The following KCNIP4 variants were observed in gnomAD, a reference collection of about 807,000 sequenced individuals.
KCNIP4 encodes the protein Kv channel-interacting protein 4.
A neutral mutation model predicts 34.0 loss-of-function variants in KCNIP4; 12 were observed. The ratio of observed to expected loss-of-function variants is 0.35; its 90% CI spans 0.23 to 0.57. KCNIP4 has a LOEUF of 0.57. Ranked by LOEUF, KCNIP4 falls within the 20% of genes least tolerant of loss-of-function variation. The pLI, the probability that KCNIP4 is intolerant of heterozygous loss-of-function variation, is 0.83. For synonymous variants in KCNIP4, 124 were observed against 102.2 expected (o/e 1.21, Z -1.29); for missense variants, 238 against 311.7 (o/e 0.76, Z 1.78).
chr4:21,500,763 C>T (rs1188698201), intron 1 of KCNIP4, among the ~76,000 whole-genome samples: 1 of 152,064 alleles, frequency 6.6e-6, no homozygotes, highest in Non-Finnish European at 1.5e-5. Context: ...CTTAAAATAT[C>T]ACTTGGGAGC....
intron 1 of KCNIP4, among the ~76,000 whole-genome samples, chr4:20,893,327 G>A (rs1726143616): frequency 1.3e-5 from 2 of 152,152 alleles, no homozygotes; most frequent in African/African-American, 4.8e-5. Flanking sequence ...GGAAAGATTT[G>A]GAACTTTAGG....
At chr4:21,189,183 A>G (rs1445390520) in intron 1 of KCNIP4, among the ~76,000 whole-genome samples, 1 of 152,230 alleles carries the variant, frequency 6.6e-6, no homozygotes, top group Non-Finnish European at 1.5e-5. Context: ...TATTATAATT[A>G]TCATGATTAC....
chr4:21,693,677 G>C (rs1299663083), intron 1 of KCNIP4, among the ~76,000 whole-genome samples: 1 of 152,174 alleles, frequency 6.6e-6, no homozygotes, highest in Non-Finnish European at 1.5e-5. Context: ...GAAAACTTGT[G>C]AAACAAATGG....
chr4:21,444,206 A>G (rs34236679), intron 1 of KCNIP4, among the ~76,000 whole-genome samples: 21,875 of 152,194 alleles, frequency 0.14, 1,906 homozygotes, highest in East Asian at 0.34. Context: ...ACAAGGAGAC[A>G]GTGGTACCAT....
chr4:20,853,957 C>T (rs528685191), intron 2 of KCNIP4, among the ~76,000 whole-genome samples: 1 of 152,294 alleles, frequency 6.6e-6, no homozygotes. Context: ...TGCCTTACTC[C>T]TCCAACAATG....
At chr4:21,192,902 C>G (rs985420482) in intron 1 of KCNIP4, among the ~76,000 whole-genome samples, 4 of 145,004 alleles carry the variant, frequency 2.8e-5, no homozygotes, top group Non-Finnish European at 6.0e-5. Flanking sequence ...CCCCCCAGCC[C>G]TGCCGCCCCG....
intron 1 of KCNIP4, among the ~76,000 whole-genome samples, chr4:21,744,988 G>T (rs1716674058): frequency 6.6e-6 from 1 of 152,096 alleles, no homozygotes; most frequent in Non-Finnish European, 1.5e-5. Flanking sequence ...AGTGAAAACA[G>T]TTTTATGTTT....
intron 1 of KCNIP4, among the ~76,000 whole-genome samples, chr4:21,869,779 T>TAGACAGACAGACAGAC (rs1330509204): frequency 2.5e-5 from 3 of 121,768 alleles, no homozygotes; most frequent in African/African-American, 9.3e-5. Flanking sequence ...GATAGATAGA[T>TAGACAGACAGACAGAC]AGATAGACAG....
chr4:21,523,102 T>C (rs2108954934), intron 1 of KCNIP4, among the ~76,000 whole-genome samples: 1 of 152,212 alleles, frequency 6.6e-6, no homozygotes, highest in Non-Finnish European at 1.5e-5. Flanking sequence ...CCATGTTAGG[T>C]TACAGCAAGA....
chr4:21,666,719 GA>G (rs918418225), intron 1 of KCNIP4, among the ~76,000 whole-genome samples: 5 of 150,366 alleles, frequency 3.3e-5, no homozygotes, highest in South Asian at 2.1e-4. Flanking sequence ...GACATTAAAT[GA>G]AAAAAAAATG....
intron 6 of KCNIP4, among the ~76,000 whole-genome samples, chr4:20,733,173 G>A (rs1356346371): frequency 6.6e-6 from 1 of 151,988 alleles, no homozygotes; most frequent in African/African-American, 2.4e-5. Flanking sequence ...CAAATATACG[G>A]CACATCGTAT....
intron 1 of KCNIP4, among the ~76,000 whole-genome samples, chr4:21,576,741 C>A (rs1577625788): frequency 6.6e-6 from 1 of 152,062 alleles, no homozygotes; most frequent in Non-Finnish European, 1.5e-5. Flanking sequence ...TTAACCCTGA[C>A]CTCATAACAT....
chr4:21,115,132 T>C (rs1003955580), intron 1 of KCNIP4, among the ~76,000 whole-genome samples: 9 of 152,136 alleles, frequency 5.9e-5, no homozygotes, highest in African/African-American at 2.2e-4. Context: ...ACAGTAGTCT[T>C]CTGAAACGCA....
At chr4:20,873,968 A>G (rs1258559873) in intron 2 of KCNIP4, among the ~76,000 whole-genome samples, 1 of 152,168 alleles carries the variant, frequency 6.6e-6, no homozygotes, top group Non-Finnish European at 1.5e-5. Context: ...CTGCTGAAAT[A>G]TTAACTCTTT....
chr4:21,350,591 A>G (rs1208820748), intron 1 of KCNIP4, among the ~76,000 whole-genome samples: 1 of 152,202 alleles, frequency 6.6e-6, no homozygotes, highest in Non-Finnish European at 1.5e-5. Flanking sequence ...GTATAAATGG[A>G]AGAGCTCTAA....
At chr4:21,542,494 C>T (rs1016009735) in intron 1 of KCNIP4, among the ~76,000 whole-genome samples, 12 of 151,696 alleles carry the variant, frequency 7.9e-5, no homozygotes, top group African/African-American at 1.2e-4. Flanking sequence ...AATAAAATAG[C>T]GAAAAATATA....
chr4:20,952,712 C>G (rs1003927844), intron 1 of KCNIP4, among the ~76,000 whole-genome samples: 2 of 152,200 alleles, frequency 1.3e-5, no homozygotes, highest in African/African-American at 4.8e-5. Flanking sequence ...TTTAATATGA[C>G]AGCATTCTTT....
At chr4:20,771,463 T>G (rs975308348) in intron 3 of KCNIP4, among the ~76,000 whole-genome samples, 1 of 152,190 alleles carries the variant, frequency 6.6e-6, no homozygotes, top group South Asian at 2.1e-4. Flanking sequence ...TGTCCTTGTA[T>G]TACACCTTTC....
intron 1 of KCNIP4, among the ~76,000 whole-genome samples, chr4:21,144,004 G>C (rs1752171821): frequency 6.6e-6 from 1 of 152,100 alleles, no homozygotes; most frequent in African/African-American, 2.4e-5. Context: ...CACCGCGCCA[G>C]GCCCAGAGTT....
Sources: gnomAD v4.1 joint callset for allele counts (sites outside exome capture counted in the v4.1 genomes callset) on GRCh38, gnomAD v4.1.1 for gene constraint, MANE v1.5 for transcripts, NCBI Gene and HGNC (gene_info 2026-07-23, HGNC 2026-07-21) for gene names.